Variants in CDH12 observed in about 807,000 individuals in gnomAD.
CDH12 encodes cadherin-12.
CDH12 carries 41 observed loss-of-function variants against 74.1 expected under a neutral mutation model. That is an observed-to-expected ratio of 0.55 (90% confidence interval 0.43 to 0.72). The LOEUF is 0.72. Ranked by LOEUF, CDH12 falls within the 30% of genes least tolerant of loss-of-function variation. CDH12 has a pLI of 0.00. For missense variants in CDH12, 945 were observed against 977.2 expected (o/e 0.97, Z 0.44); for synonymous variants, 399 against 355.0 (o/e 1.12, Z -1.39).
At chr5:21,830,046 A>G (rs1451677874) in intron 8 of CDH12, among the ~76,000 whole-genome samples, 1 of 151,740 alleles carries the variant, frequency 6.6e-6, no homozygotes, top group Non-Finnish European at 1.5e-5. Context: ...TAAAAATACA[A>G]AAATTATCTG....
chr5:22,789,156 G>A (rs974774860), intron 1 of CDH12, among the ~76,000 whole-genome samples: 20 of 151,168 alleles, frequency 1.3e-4, no homozygotes, highest in African/African-American at 4.9e-4. Context: ...GAAAATAAAA[G>A]GAAAAAAGAG....
chr5:22,150,732 TG>T (rs1292669398), intron 4 of CDH12, among the ~76,000 whole-genome samples: 2 of 152,170 alleles, frequency 1.3e-5, no homozygotes, highest in African/African-American at 4.8e-5. Flanking sequence ...TCATAAGCAC[TG>T]GGCCAGACAG....
chr5:22,278,907 T>A (rs1006802470), intron 3 of CDH12, among the ~76,000 whole-genome samples: 2 of 152,168 alleles, frequency 1.3e-5, no homozygotes, highest in African/African-American at 4.8e-5. Flanking sequence ...TTTGGATGAA[T>A]TCACAAGGTC....
rs1204812262 is a variant in CDH12, at chr5:22,496,747, A to C, written c.-428+8523T>G. Among the ~76,000 whole-genome samples, 5 of 152,268 alleles carry C rather than the reference A, an allele frequency of 3.3e-5. No individual in the cohort carries two copies. The East Asian group carries it at 9.7e-4, about 29-fold the overall frequency. ...CATCAGCAGCAATTGACCCAGTTGA[A>C]AGGCTTCCTTCATTTAATTTCAGAA... On this transcript the variant is annotated intron_variant, in intron 2 of 14. Coordinates refer to ENST00000382254, the MANE Select transcript of CDH12 (RefSeq NM_004061.5).
At chr5:22,491,804 A>G (rs1746883602) in intron 2 of CDH12, among the ~76,000 whole-genome samples, 1 of 152,098 alleles carries the variant, frequency 6.6e-6, no homozygotes, top group Non-Finnish European at 1.5e-5. Flanking sequence ...GAATTCCAAA[A>G]TCAAGGTATT....
chr5:21,805,925 G>A (rs1747403646), intron 9 of CDH12, among the ~76,000 whole-genome samples: 3 of 152,128 alleles, frequency 2.0e-5, no homozygotes, highest in Non-Finnish European at 4.4e-5. Flanking sequence ...ACCTCTCAAA[G>A]GGGAAGAAAT....
chr5:22,512,640 C>T (rs1177533965), intron 1 of CDH12, among the ~76,000 whole-genome samples: 1 of 152,184 alleles, frequency 6.6e-6, no homozygotes, highest in Non-Finnish European at 1.5e-5. Context: ...CATAGACATA[C>T]ATCTTGTTTC....
chr5:22,058,089 C>T (rs968596956), intron 5 of CDH12, among the ~76,000 whole-genome samples: 3 of 151,834 alleles, frequency 2.0e-5, no homozygotes, highest in African/African-American at 7.3e-5. Context: ...TGGAGTCTTG[C>T]TCTGTCGCCC....
At position 22,427,329 on chromosome 5, in the gene CDH12, G is replaced by A. The variant is rs111349717; in HGVS notation, c.-427-21978C>T. Reference sequence around the variant, plus strand: ...ACTACAGGCACGCACCACCACGCCCGGCTAATTTTTATATTTTTAGTAGAG... The same window carrying A: ...ACTACAGGCACGCACCACCACGCCCAGCTAATTTTTATATTTTTAGTAGAG... On this transcript the variant is annotated intron_variant, in intron 2 of 14. Transcript: ENST00000382254. Among the ~76,000 whole-genome samples, 599 of 151,972 alleles carry A rather than the reference G, an allele frequency of 3.9e-3. 7 individuals carry two copies. The highest frequency in any genetic ancestry group is 0.014 in the African/African-American group (569 of 41,450).
intron 2 of CDH12, among the ~76,000 whole-genome samples, chr5:22,463,809 C>T (rs920050215): frequency 3.3e-5 from 5 of 152,130 alleles, no homozygotes; most frequent in African/African-American, 1.2e-4. Context: ...TTATAATAAT[C>T]AAAAGGGCAG....
chr5:22,430,268 T>C (rs1489832942), intron 2 of CDH12, among the ~76,000 whole-genome samples: 1 of 152,144 alleles, frequency 6.6e-6, no homozygotes, highest in Non-Finnish European at 1.5e-5. Context: ...GGGGATCATG[T>C]GAACCTCATG....
rs545550547 is a variant in CDH12, at chr5:22,759,408, A to G, written c.-523+93650T>C. On this transcript the variant is annotated intron_variant, in intron 1 of 14. Coordinates refer to ENST00000382254, the MANE Select transcript of CDH12 (RefSeq NM_004061.5). ...TGTTTTGGGGTTAAAAAGTACTAAA[A>G]TTAGGCAAGATCATTTAGCTGCTTT... Among the ~76,000 whole-genome samples the G allele has an allele frequency of 2.8e-4, 42 of 152,298 alleles. 1 individual carries two copies. The South Asian group carries it at 8.5e-3, about 31-fold the overall frequency.
At chr5:22,060,681 T>C (rs929616114) in intron 5 of CDH12, among the ~76,000 whole-genome samples, 6 of 152,184 alleles carry the variant, frequency 3.9e-5, no homozygotes, top group African/African-American at 7.2e-5. Context: ...CTCAGGTTAC[T>C]GAGGGTTTTG....
chr5:22,287,489 C>T (rs1737194949), intron 3 of CDH12, among the ~76,000 whole-genome samples: 1 of 151,918 alleles, frequency 6.6e-6, no homozygotes, highest in Non-Finnish European at 1.5e-5. Flanking sequence ...CTTTGGGAGG[C>T]CGAGGCGGGC....
At chr5:22,561,124 C>A (rs1285868642) in intron 1 of CDH12, among the ~76,000 whole-genome samples, 3 of 151,946 alleles carry the variant, frequency 2.0e-5, no homozygotes, top group Non-Finnish European at 4.4e-5. Flanking sequence ...AACTATTGTT[C>A]AAAACTATTA....
chr5:21,877,641 A>T (rs1752010336), intron 6 of CDH12, among the ~76,000 whole-genome samples: 1 of 152,228 alleles, frequency 6.6e-6, no homozygotes, highest in South Asian at 2.1e-4. Context: ...ATCAATAGTT[A>T]TGGCAGTGAT....
chr5:22,354,400 T>C (rs114726838), intron 3 of CDH12, among the ~76,000 whole-genome samples: 364 of 152,230 alleles, frequency 2.4e-3, no homozygotes, highest in African/African-American at 8.4e-3. Context: ...TTATTGTCAG[T>C]AGGTTCAGGG....
chr5:22,240,980 A>G (rs1474909261), intron 3 of CDH12, among the ~76,000 whole-genome samples: 1 of 152,144 alleles, frequency 6.6e-6, no homozygotes, highest in Non-Finnish European at 1.5e-5. Context: ...GGAGGAGGAG[A>G]AGAGAAAGAA....
intron 5 of CDH12, among the ~76,000 whole-genome samples, chr5:22,022,125 C>T (rs1164188968): frequency 1.3e-5 from 2 of 152,192 alleles, no homozygotes; most frequent in African/African-American, 4.8e-5. Flanking sequence ...GCATGAGCCA[C>T]TCAGCCAGCC....
Sources: allele counts gnomAD v4.1 joint callset (sites outside exome capture counted in the v4.1 genomes callset), GRCh38; gene constraint gnomAD v4.1.1; transcripts MANE v1.5; gene names NCBI Gene and HGNC (gene_info 2026-07-23, HGNC 2026-07-21).